TMCO5A: variants seen among roughly 807,000 people sequenced by gnomAD.
TMCO5A encodes the protein transmembrane and coiled-coil domains 5A.
In TMCO5A, 34 loss-of-function variants were observed where a neutral mutation model predicts 42.3. The ratio of observed to expected loss-of-function variants is 0.80; its 90% CI spans 0.61 to 1.07. The LOEUF is 1.07. Ranked by LOEUF, TMCO5A falls within the 50% of genes least tolerant of loss-of-function variation. The pLI, the probability that TMCO5A is intolerant of heterozygous loss-of-function variation, is 0.00. For missense variants in TMCO5A, 357 were observed against 327.9 expected (o/e 1.09, Z -0.69); for synonymous variants, 131 against 115.6 (o/e 1.13, Z -0.86).
intron 11 of TMCO5A, chr15:37,956,547 G>A (rs149686127): frequency 0.02 from 3,029 of 153,380 alleles, 104 homozygotes; most frequent in African/African-American, 0.069. Flanking sequence ...CCAGGATGAA[G>A]TTGAATCCCT....
chr15:37,993,932 A>G, the TMCO5A span, among the ~76,000 whole-genome samples: 77 of 152,314 alleles, frequency 5.1e-4, 1 homozygote, highest in East Asian at 0.014. Context: ...GTAAGCCTTC[A>G]AACAGATTCT....
At chr15:37,980,637 C>CAAAAAAAAAAAAAA in the TMCO5A span, among the ~76,000 whole-genome samples, 1 of 83,146 alleles carries the variant, frequency 1.2e-5, no homozygotes, top group Non-Finnish European at 2.2e-5. Context: ...GCCATCTTGG[C>CAAAAAAAAAAAAAA]AAAAAAAAAA....
the TMCO5A span, among the ~76,000 whole-genome samples, chr15:38,014,851 G>GAT: frequency 1.9e-5 from 1 of 53,392 alleles, no homozygotes; most frequent in African/African-American, 7.6e-5. Flanking sequence ...ATAGGAGAAA[G>GAT]ATTATATATA....
intron 11 of TMCO5A, among the ~76,000 whole-genome samples, chr15:37,949,040 G>C (rs916014693): frequency 6.6e-6 from 1 of 151,896 alleles, no homozygotes; most frequent in Non-Finnish European, 1.5e-5. Context: ...TGGGGCAGAG[G>C]CATCCCAAAA....
chr15:37,983,107 C>A, the TMCO5A span, among the ~76,000 whole-genome samples: 10 of 152,098 alleles, frequency 6.6e-5, no homozygotes, highest in Non-Finnish European at 1.5e-4. Context: ...TGAGTTCATT[C>A]TTCCATATAC....
At chr15:37,950,326 C>A (rs1039195453) in intron 11 of TMCO5A, among the ~76,000 whole-genome samples, 5 of 152,080 alleles carry the variant, frequency 3.3e-5, no homozygotes, top group Admixed American at 6.6e-5. Flanking sequence ...ACACAGAAAG[C>A]ATCGATCCTA....
intron 11 of TMCO5A, among the ~76,000 whole-genome samples, chr15:37,959,335 A>G (rs116494866): frequency 0.016 from 2,438 of 152,098 alleles, 73 homozygotes; most frequent in African/African-American, 0.055. Context: ...AGAGGAGGGA[A>G]TACTTCCAAA....
chr15:37,942,779 C>A, intron 9 of TMCO5A: 1 of 154,444 alleles, frequency 6.5e-6, no homozygotes, highest in Non-Finnish European at 1.4e-5. Context: ...AAGCACTCCT[C>A]AAAGTACAAT....
intron 4 of TMCO5A, 49 bp downstream of exon 4, chr15:37,937,019 C>T (rs749089853): frequency 1.6e-5 from 26 of 1,604,354 alleles, no homozygotes; most frequent in Non-Finnish European, 2.0e-5. Context: ...ATTCCTCATT[C>T]CATCCTTCAT....
At chr15:37,963,108 T>A (rs1471316773) in intron 11 of TMCO5A, among the ~76,000 whole-genome samples, 4 of 152,084 alleles carry the variant, frequency 2.6e-5, no homozygotes, top group African/African-American at 9.7e-5. Flanking sequence ...GTGTGGTTTG[T>A]TCTTGTTTCT....
At chr15:38,028,073 G>C in the TMCO5A span, among the ~76,000 whole-genome samples, 1 of 152,166 alleles carries the variant, frequency 6.6e-6, no homozygotes, top group Non-Finnish European at 1.5e-5. Context: ...TGAAGAAAGA[G>C]AAATTTTAGA....
chr15:38,005,004 A>G, the TMCO5A span, among the ~76,000 whole-genome samples: 1 of 152,112 alleles, frequency 6.6e-6, no homozygotes, highest in Non-Finnish European at 1.5e-5. Context: ...CAGAATTCTC[A>G]TGTGACAATA....
chr15:37,947,796 G>A, intron 11 of TMCO5A, 100 bp downstream of exon 11: 1 of 731,082 alleles, frequency 1.4e-6, no homozygotes. Flanking sequence ...CCTTGTATAT[G>A]CGTGTGCACA....
intron 10 of TMCO5A, among the ~76,000 whole-genome samples, chr15:37,945,819 T>C (rs145406838): frequency 0.013 from 2,018 of 152,268 alleles, 37 homozygotes; most frequent in African/African-American, 0.046. Flanking sequence ...ATTCTGTAGG[T>C]TGTCTGCTCA....
the TMCO5A span, among the ~76,000 whole-genome samples, chr15:38,012,554 G>A: frequency 6.6e-6 from 1 of 151,962 alleles, no homozygotes; most frequent in Non-Finnish European, 1.5e-5. Context: ...GCACATACAC[G>A]TGTATGTGTG....
downstream of TMCO5A, among the ~76,000 whole-genome samples, chr15:37,971,747 G>A (rs147711176): frequency 6.6e-5 from 10 of 152,186 alleles, no homozygotes; most frequent in African/African-American, 2.4e-4. Context: ...CTAGGGCAGG[G>A]GCAAAATGCT....
At chr15:38,027,517 A>G in the TMCO5A span, among the ~76,000 whole-genome samples, 7 of 152,152 alleles carry the variant, frequency 4.6e-5, no homozygotes, top group African/African-American at 1.7e-4. Flanking sequence ...GACATGCTTT[A>G]TCTCAGATGA....
intron 11 of TMCO5A, among the ~76,000 whole-genome samples, chr15:37,960,377 G>T (rs1412279655): frequency 6.6e-6 from 1 of 151,956 alleles, no homozygotes; most frequent in African/African-American, 2.4e-5. Flanking sequence ...TTCTTTTTAT[G>T]GCTGAGTAGT....
chr15:38,015,175 A>G, the TMCO5A span, among the ~76,000 whole-genome samples: 1 of 151,938 alleles, frequency 6.6e-6, no homozygotes, highest in African/African-American at 2.4e-5. Context: ...CACTGACTCA[A>G]ATGTTAATCT....
Sources: allele counts gnomAD v4.1 joint callset (sites outside exome capture counted in the v4.1 genomes callset), GRCh38; gene constraint gnomAD v4.1.1; transcripts MANE v1.5; gene names NCBI Gene and HGNC (gene_info 2026-07-23, HGNC 2026-07-21).